ABCD2: variants seen among roughly 807,000 people sequenced by gnomAD.
The protein encoded by ABCD2 is ATP-binding cassette sub-family D member 2.
In ABCD2, 36 loss-of-function variants were observed where a neutral mutation model predicts 70.9. The observed-to-expected ratio is 0.51, with a 90% CI of 0.39 to 0.67. The LOEUF (loss-of-function observed/expected upper bound fraction) is 0.67. Among genes scored for constraint, ABCD2 ranks in the 30% least tolerant of loss-of-function variants. ABCD2 has a pLI of 0.00. For missense variants in ABCD2, 729 were observed against 890.2 expected, an observed-to-expected ratio of 0.82 and a Z score of 2.30; for synonymous variants, 304 against 306.9, an observed-to-expected ratio of 0.99 and a Z score of 0.10.
intron 7 of ABCD2, among the ~76,000 whole-genome samples, chr12:39,583,416 C>T (rs1313402483): frequency 1.3e-5 from 2 of 152,078 alleles, no homozygotes; most frequent in Non-Finnish European, 2.9e-5. Context: ...TAAAATTAAA[C>T]TTGGTGTCTC....
At chr12:39,599,400 C>T (rs948445439) in intron 6 of ABCD2, among the ~76,000 whole-genome samples, 6 of 152,106 alleles carry the variant, frequency 3.9e-5, no homozygotes, top group African/African-American at 1.4e-4. Flanking sequence ...AAAACAGAAA[C>T]TTTTGGCAGT....
Position 39,553,927 on chromosome 12 carries a change from T to C in ABCD2, c.2208A>G (p.Glu736=), listed in dbSNP as rs920153642. ...TCAAAACAAATTAAGATGTCTCATCTTCATTTTTAATTGTTTTCAGCACTG... is the reference window on the plus strand; with the variant it reads ...TCAAAACAAATTAAGATGTCTCATCCTCATTTTTAATTGTTTTCAGCACTG... ...EDSVLKTIKN[E]DETS Residue 736 remains glutamate, a synonymous_variant, in exon 10 of 10, where the codon GAA becomes GAG. Transcript: ENST00000308666. 6.2e-7 allele frequency: 1 copy of C among 1,609,282 alleles called. No homozygotes were observed.
chr12:39,532,807 A>C, the ABCD2 span, among the ~76,000 whole-genome samples: 2 of 152,230 alleles, frequency 1.3e-5, no homozygotes, highest in Admixed American at 6.5e-5. Flanking sequence ...AAATGTTTTT[A>C]AGTTACAGAA....
At position 39,550,498 on chromosome 12, in the gene ABCD2, G is replaced by T. The variant is rs2120500635; in HGVS notation, c.*3414C>A. 6.6e-6 allele frequency: 1 copy of T among 151,756 alleles called. No homozygotes were observed. Among genetic ancestry groups the T allele is most frequent in the Middle Eastern group, 3.4e-3 (1 of 294 alleles). 9.4% of individuals were successfully genotyped at this position (151,756 alleles called of 1,614,324 possible). On this transcript the variant is annotated 3_prime_UTR_variant, in exon 10 of 10. Coordinates refer to ENST00000308666, the MANE Select transcript of ABCD2 (RefSeq NM_005164.4). ...GGCTTATAAATAGACCATTGGTTTTGAAAATTTCACAATATGAAATGTAAA... is the reference window on the plus strand; with the variant it reads ...GGCTTATAAATAGACCATTGGTTTTTAAAATTTCACAATATGAAATGTAAA...
chr12:39,605,355 A>G (rs1165875189), intron 3 of ABCD2, among the ~76,000 whole-genome samples: 1 of 152,042 alleles, frequency 6.6e-6, no homozygotes, highest in East Asian at 1.9e-4. Context: ...TTTTTGTCCT[A>G]TTATGAAATG....
intron 9 of ABCD2, among the ~76,000 whole-genome samples, chr12:39,567,408 T>G (rs1168626873): frequency 3.3e-5 from 5 of 152,206 alleles, no homozygotes; most frequent in East Asian, 1.9e-4. Flanking sequence ...TCTCTTTTGA[T>G]CTTTGTTGGT....
Position 39,619,518 on chromosome 12 carries a change from A to C in ABCD2, c.98T>G (p.Leu33Arg). Residue 33 changes from leucine to arginine, a missense_variant, in exon 1 of 10, where the codon CTG (leucine) becomes CGG (arginine). Physicochemically the swap from Leu to Arg is moderately radical, Grantham distance 102. Around this residue, in one of 3 missense-constraint regions of ABCD2, gnomAD observed 245 missense variants for 261.2 expected, o/e 0.94. Transcript: ENST00000308666. ...AACLVAAAYA[L>R]KTLYPIIGKR... is the part of the protein sequence containing the mutation. ...GCCAATGATGGGATAGAGGGTTTTC[A>C]GAGCATATGCCGCAGCCACCAGGCA... is the stretch of plus-strand genomic sequence containing the variant. 6.2e-7 allele frequency: 1 copy of C among 1,612,342 alleles called. No homozygotes were observed. The highest frequency in any genetic ancestry group is 8.5e-7 in the Non-Finnish European group (1 of 1,179,998).
chr12:39,566,301 T>G (rs1046416165), intron 9 of ABCD2, among the ~76,000 whole-genome samples: 13 of 152,206 alleles, frequency 8.5e-5, no homozygotes, highest in Non-Finnish European at 4.4e-5. Flanking sequence ...TTGCCTCAAT[T>G]TCAGAGCCTG....
the ABCD2 span, among the ~76,000 whole-genome samples, chr12:39,537,187 AG>A: frequency 6.6e-6 from 1 of 152,088 alleles, no homozygotes; most frequent in Admixed American, 6.6e-5. Flanking sequence ...CCTCTTCAAA[AG>A]CTCCACTTGG....
chr12:39,617,549 C>T (rs1942133260), intron 1 of ABCD2, among the ~76,000 whole-genome samples: 1 of 152,020 alleles, frequency 6.6e-6, no homozygotes, highest in African/African-American at 2.4e-5. Context: ...TTTGAACTGA[C>T]TCAATTTGTT....
intron 9 of ABCD2, among the ~76,000 whole-genome samples, chr12:39,569,985 A>G (rs1941423315): frequency 6.6e-6 from 1 of 152,240 alleles, no homozygotes; most frequent in African/African-American, 2.4e-5. Context: ...CCCATTTTCA[A>G]TAGCTAGAAA....
the ABCD2 span, among the ~76,000 whole-genome samples, chr12:39,542,584 G>T: frequency 5.9e-5 from 9 of 152,236 alleles, no homozygotes; most frequent in East Asian, 1.3e-3. Flanking sequence ...GCTAATAATG[G>T]TGAAGATGGA....
At chr12:39,577,394 A>T (rs1250657139) in intron 8 of ABCD2, among the ~76,000 whole-genome samples, 1 of 152,196 alleles carries the variant, frequency 6.6e-6, no homozygotes, top group East Asian at 1.9e-4. Context: ...AAGATAAAGG[A>T]CCCCTACCTA....
At position 39,619,512 on chromosome 12, in the gene ABCD2, G is replaced by C; in HGVS notation, c.104C>G (p.Thr35Ser). The change falls in exon 1 of 10, where the codon ACC (threonine) becomes AGC (serine). Residue 35 changes from threonine to serine, a missense_variant. Physicochemically the swap from Thr to Ser is moderately conservative, Grantham distance 58 (BLOSUM62 1). This residue lies in a region of ABCD2 where 245 missense variants were observed against 261.2 expected (regional missense o/e 0.94). Transcript: ENST00000308666. ...CLVAAAYALK[T>S]LYPIIGKRLK... ...ACGCTTGCCAATGATGGGATAGAGG[G>C]TTTTCAGAGCATATGCCGCAGCCAC... The C allele has an allele frequency of 6.2e-7, 1 of 1,612,474 alleles. No individual in the cohort carries two copies. The highest frequency in any genetic ancestry group is 8.5e-7 in the Non-Finnish European group (1 of 1,179,988).
At chr12:39,540,208 G>A in the ABCD2 span, among the ~76,000 whole-genome samples, 1 of 152,178 alleles carries the variant, frequency 6.6e-6, no homozygotes, top group Non-Finnish European at 1.5e-5. Context: ...CTTACTTATA[G>A]CCCTTGCACA....
chr12:39,544,921 C>T, the ABCD2 span, among the ~76,000 whole-genome samples: 27 of 152,246 alleles, frequency 1.8e-4, no homozygotes, highest in African/African-American at 6.0e-4. Context: ...AATAACGAGT[C>T]CTAGGATGAG....
the ABCD2 span, among the ~76,000 whole-genome samples, chr12:39,541,396 A>C: frequency 6.6e-6 from 1 of 152,206 alleles, no homozygotes; most frequent in South Asian, 2.1e-4. Context: ...TTTCCAGGCA[A>C]GTGTCATAAC....
intron 6 of ABCD2, among the ~76,000 whole-genome samples, chr12:39,590,867 A>G (rs1020347701): frequency 6.6e-6 from 1 of 152,080 alleles, no homozygotes; most frequent in Non-Finnish European, 1.5e-5. Flanking sequence ...AGCTGTATCT[A>G]TGTGCTTGGA....
At chr12:39,592,027 TTG>T (rs950809179) in intron 6 of ABCD2, among the ~76,000 whole-genome samples, 1 of 152,086 alleles carries the variant, frequency 6.6e-6, no homozygotes, top group African/African-American at 2.4e-5. Flanking sequence ...CTATAGAAAA[TTG>T]TGTTTACATT....
Sources: gnomAD v4.1 joint callset for allele counts (sites outside exome capture counted in the v4.1 genomes callset) on GRCh38, gnomAD v4.1.1 for gene constraint, gnomAD v4.1.1 regional missense constraint, MANE v1.5 for transcripts, NCBI Gene and HGNC (gene_info 2026-07-23, HGNC 2026-07-21) for gene names.